The following PRELID2 variants were observed in gnomAD, a reference collection of about 807,000 sequenced individuals.
PRELID2 encodes the protein PRELI domain containing 2.
In PRELID2, 25 loss-of-function variants were observed where a neutral mutation model predicts 28.4. The observed-to-expected ratio is 0.88, with a 90% CI of 0.64 to 1.23. The LOEUF (loss-of-function observed/expected upper bound fraction) is 1.23. Ranked by LOEUF, PRELID2 falls within the 50% of genes most tolerant of loss-of-function variation. PRELID2 has a pLI of 0.00. For synonymous variants in PRELID2, 76 were observed against 71.6 expected (o/e 1.06, Z -0.31); for missense variants, 201 against 214.4 (o/e 0.94, Z 0.39).
chr5:145,642,070 G>T (rs1754116824), intron 1 of PRELID2, among the ~76,000 whole-genome samples: 1 of 151,516 alleles, frequency 6.6e-6, no homozygotes, highest in African/African-American at 2.5e-5. Flanking sequence ...TCTAGTTCTA[G>T]ATCCTTGAGG....
chr5:145,610,536 A>G (rs1753598639), intron 1 of PRELID2, among the ~76,000 whole-genome samples: 1 of 152,172 alleles, frequency 6.6e-6, no homozygotes, highest in Admixed American at 6.5e-5. Flanking sequence ...AAGCAGAGCC[A>G]CCTAGCCAAT....
intron 1 of PRELID2, among the ~76,000 whole-genome samples, chr5:145,749,616 A>G (rs1349446053): frequency 6.6e-6 from 1 of 152,216 alleles, no homozygotes; most frequent in Admixed American, 6.5e-5. Flanking sequence ...ATTACTGGGT[A>G]TATACCCTAA....
Position 145,835,132 on chromosome 5 carries a change from C to A in PRELID2, c.75+45G>T, listed in dbSNP as rs112905738. Reference sequence around the variant, plus strand: ...ATGAAGGAGAGGAGAGAGGGGCAAGCAGCGGAGGCAGCGCGGGATACGGAA... The same window carrying A: ...ATGAAGGAGAGGAGAGAGGGGCAAGAAGCGGAGGCAGCGCGGGATACGGAA... On this transcript the variant is annotated intron_variant, in intron 1 of 6. Transcript: ENST00000683046. The A allele has an allele frequency of 2.4e-3, 3,196 of 1,357,742 alleles. 37 individuals carry two copies. The East Asian group carries it at 0.028, about 12-fold the overall frequency. 84.1% of individuals were successfully genotyped at this position (1,357,742 alleles called of 1,614,324 possible). A position where few individuals can be genotyped will look rare whatever the true frequency, so the allele number is the denominator to read the frequency against.
chr5:145,781,598 T>C (rs1026184652), intron 5 of PRELID2, among the ~76,000 whole-genome samples: 2 of 147,966 alleles, frequency 1.4e-5, no homozygotes, highest in African/African-American at 2.5e-5. Context: ...ATATATAGTA[T>C]ATCTATATAC....
At chr5:145,430,981 C>T in the PRELID2 span, among the ~76,000 whole-genome samples, 4 of 138,758 alleles carry the variant, frequency 2.9e-5, no homozygotes, top group African/African-American at 1.1e-4. Flanking sequence ...TTACATCAAA[C>T]TCTGGGAATG....
chr5:145,318,114 A>C, the PRELID2 span, among the ~76,000 whole-genome samples: 1 of 152,192 alleles, frequency 6.6e-6, no homozygotes, highest in Admixed American at 6.5e-5. Context: ...CATTTTATTT[A>C]GAGTTCCAGT....
chr5:145,546,912 T>A (rs983937293), intron 1 of PRELID2, among the ~76,000 whole-genome samples: 1 of 152,196 alleles, frequency 6.6e-6, no homozygotes, highest in South Asian at 2.1e-4. Flanking sequence ...AGTTTTGTGA[T>A]CTGGAGCAAG....
chr5:145,779,756 T>C (rs1046812200), intron 5 of PRELID2, among the ~76,000 whole-genome samples: 1 of 152,148 alleles, frequency 6.6e-6, no homozygotes, highest in Non-Finnish European at 1.5e-5. Flanking sequence ...TATAGTATTA[T>C]TCATATTTCA....
chr5:145,384,871 C>G, the PRELID2 span, among the ~76,000 whole-genome samples: 2 of 152,162 alleles, frequency 1.3e-5, no homozygotes, highest in Non-Finnish European at 2.9e-5. Flanking sequence ...GGTTGTAAAC[C>G]ATTCATGAGA....
chr5:145,444,600 G>A, the PRELID2 span, among the ~76,000 whole-genome samples: 2 of 151,944 alleles, frequency 1.3e-5, no homozygotes, highest in Non-Finnish European at 2.9e-5. Flanking sequence ...GAACCTGCTG[G>A]TTCAGGAGGG....
the PRELID2 span, among the ~76,000 whole-genome samples, chr5:145,420,279 G>C: frequency 6.6e-6 from 1 of 152,068 alleles, no homozygotes. Flanking sequence ...AAAGTCATTG[G>C]TAGCTTGATG....
downstream of PRELID2, among the ~76,000 whole-genome samples, chr5:145,755,227 G>A (rs144612020): frequency 6.6e-6 from 1 of 152,290 alleles, no homozygotes; most frequent in East Asian, 1.9e-4. Context: ...GTTTTGGGAT[G>A]CTCAGGGCAT....
chr5:145,668,583 A>G (rs926200460), intron 1 of PRELID2, among the ~76,000 whole-genome samples: 1 of 152,106 alleles, frequency 6.6e-6, no homozygotes, highest in African/African-American at 2.4e-5. Context: ...TCATCTCCAT[A>G]GCAACAATTT....
intron 1 of PRELID2, among the ~76,000 whole-genome samples, chr5:145,593,220 A>G (rs1347870938): frequency 6.6e-6 from 1 of 152,192 alleles, no homozygotes; most frequent in African/African-American, 2.4e-5. Flanking sequence ...AGGCATAGAA[A>G]CAAGGAAGGA....
chr5:145,409,992 C>A, the PRELID2 span, among the ~76,000 whole-genome samples: 1 of 151,998 alleles, frequency 6.6e-6, no homozygotes, highest in Non-Finnish European at 1.5e-5. Context: ...AATACAGAAC[C>A]CAGAAATAAA....
At chr5:145,663,211 G>T (rs1010494590) in intron 1 of PRELID2, among the ~76,000 whole-genome samples, 2 of 152,086 alleles carry the variant, frequency 1.3e-5, no homozygotes, top group Admixed American at 1.3e-4. Context: ...CAAATGTGCA[G>T]CACACAGGCC....
At chr5:145,412,457 C>A in the PRELID2 span, among the ~76,000 whole-genome samples, 1,974 of 152,308 alleles carry the variant, frequency 0.013, 33 homozygotes, top group African/African-American at 0.045. Context: ...ATCTGACCAC[C>A]TCAGCCTGGA....
At chr5:145,650,566 A>G (rs1391964068) in intron 1 of PRELID2, among the ~76,000 whole-genome samples, 1 of 134,106 alleles carries the variant, frequency 7.5e-6, no homozygotes, top group Non-Finnish European at 1.6e-5. Context: ...ATATATATAT[A>G]TATATATATA....
chr5:145,337,690 T>C, the PRELID2 span, among the ~76,000 whole-genome samples: 1 of 8,876 alleles, frequency 1.1e-4, no homozygotes, highest in South Asian at 6.8e-3. Context: ...AGGGCAAATA[T>C]ATATATATAT....
Sources: gnomAD v4.1 joint callset for allele counts (sites outside exome capture counted in the v4.1 genomes callset) on GRCh38, gnomAD v4.1.1 for gene constraint, MANE v1.5 for transcripts, NCBI Gene and HGNC (gene_info 2026-07-23, HGNC 2026-07-21) for gene names.